Variants in RADX observed in about 807,000 individuals in gnomAD.
RADX encodes RPA1 related single stranded DNA binding protein, X-linked, also known as RPA-related protein RADX.
In RADX, 36 loss-of-function variants were observed where a neutral mutation model predicts 61.6. That is an observed-to-expected ratio of 0.58 (90% CI 0.45 to 0.77). The LOEUF (loss-of-function observed/expected upper bound fraction) is 0.77, where lower values mean the gene tolerates loss of function less well. Ranked by LOEUF, RADX falls within the 30% of genes least tolerant of loss-of-function variation. The probability of loss-of-function intolerance (pLI) is 0.00; values close to 1 mark genes in which losing one functional copy is unlikely to be tolerated. For synonymous variants in RADX, 272 were observed against 237.9 expected, an observed-to-expected ratio of 1.14 and a Z score of -1.32; for missense variants, 497 against 651.1, an observed-to-expected ratio of 0.76 and a Z score of 2.58.
At chrX:106,675,919 G>A (rs1928498119) in intron 13 of RADX, among the ~76,000 whole-genome samples, 1 of 111,278 alleles carries the variant, frequency 9.0e-6, no homozygotes, top group African/African-American at 3.3e-5. Context: ...TGCTTTATGT[G>A]TATTCAATCC....
intron 3 of RADX, among the ~76,000 whole-genome samples, chrX:106,629,172 A>G (rs944032912): frequency 8.9e-5 from 10 of 111,856 alleles, no homozygotes; most frequent in African/African-American, 3.2e-4. Flanking sequence ...GATGATAGCA[A>G]CAAGAATTTT....
intron 10 of RADX, 53 bp downstream of exon 10, chrX:106,640,774 C>A: frequency 1.2e-6 from 1 of 848,623 alleles, no homozygotes; most frequent in Non-Finnish European, 1.6e-6. Flanking sequence ...TTTGGGTTAT[C>A]TCTACCCTGT....
chrX:106,670,734 A>G (rs1394867403), intron 13 of RADX, among the ~76,000 whole-genome samples: 1 of 110,467 alleles, frequency 9.1e-6, no homozygotes, highest in Non-Finnish European at 1.9e-5. Flanking sequence ...TCCTAATAAG[A>G]ATCTCACAAA....
At chrX:106,632,083 T>C (rs952263625) in intron 3 of RADX, among the ~76,000 whole-genome samples, 3 of 111,787 alleles carry the variant, frequency 2.7e-5, no homozygotes, top group Non-Finnish European at 3.8e-5. Context: ...GGGAGACACA[T>C]ACAAAAATTT....
At chrX:106,630,141 A>G (rs1927177838) in intron 3 of RADX, among the ~76,000 whole-genome samples, 1 of 111,048 alleles carries the variant, frequency 9.0e-6, no homozygotes, top group Non-Finnish European at 1.9e-5. Flanking sequence ...TGTGCAACAT[A>G]GTAAGACCCT....
intron 8 of RADX, chrX:106,638,424 G>A (rs1334395153): frequency 1.8e-5 from 2 of 110,596 alleles, no homozygotes; most frequent in Admixed American, 1.9e-4. Context: ...CACTACGCCC[G>A]GCTAATTTTT....
intron 13 of RADX, among the ~76,000 whole-genome samples, chrX:106,675,091 G>A (rs1339984750): frequency 5.4e-5 from 6 of 110,938 alleles, no homozygotes; most frequent in Non-Finnish European, 1.1e-4. Context: ...TTTATCCCAA[G>A]TCATTTATTG....
chrX:106,646,682 G>A (rs771520500), intron 10 of RADX, among the ~76,000 whole-genome samples: 3 of 110,801 alleles, frequency 2.7e-5, no homozygotes, highest in African/African-American at 9.8e-5. Flanking sequence ...AATGAAAGGG[G>A]ACATAGGATT....
At chrX:106,674,893 G>A (rs1928467881) in intron 13 of RADX, among the ~76,000 whole-genome samples, 1 of 109,943 alleles carries the variant, frequency 9.1e-6, no homozygotes, top group Non-Finnish European at 1.9e-5. Flanking sequence ...ACGTGGTGGT[G>A]CACGCCTGTA....
chrX:106,645,930 C>T (rs2147627732), intron 10 of RADX, among the ~76,000 whole-genome samples: 1 of 110,812 alleles, frequency 9.0e-6, no homozygotes, highest in Admixed American at 9.6e-5. Context: ...TATCTCGATG[C>T]TCCAGTGTTG....
chrX:106,661,386 G>GT (rs1418683592), intron 11 of RADX, among the ~76,000 whole-genome samples: 2 of 92,093 alleles, frequency 2.2e-5, no homozygotes, highest in African/African-American at 9.2e-5. Flanking sequence ...TTTTTTTTTG[G>GT]TTTTTTTGTT....
chrX:106,673,820 G>A (rs1325325711), intron 13 of RADX, among the ~76,000 whole-genome samples: 2 of 110,909 alleles, frequency 1.8e-5, no homozygotes, highest in African/African-American at 3.3e-5. Flanking sequence ...TTAGCTCATG[G>A]TGGTGAGGCT....
At chrX:106,621,448 C>T (rs1423890071) in intron 1 of RADX, among the ~76,000 whole-genome samples, 1 of 111,866 alleles carries the variant, frequency 8.9e-6, no homozygotes, top group Non-Finnish European at 1.9e-5. Context: ...AGATTCAAGT[C>T]TTAATAGTTG....
At chrX:106,635,480 T>C (rs1927337810) in intron 6 of RADX, among the ~76,000 whole-genome samples, 1 of 111,925 alleles carries the variant, frequency 8.9e-6, no homozygotes, top group African/African-American at 3.2e-5. Context: ...GTTTCTTTAA[T>C]ATTCCTGTAT....
At chrX:106,618,244 T>A (rs1431606346) in intron 1 of RADX, among the ~76,000 whole-genome samples, 3 of 111,488 alleles carry the variant, frequency 2.7e-5, no homozygotes, top group Non-Finnish European at 3.8e-5. Flanking sequence ...TCGTTTTTTT[T>A]AATGGATTTG....
chrX:106,616,426 T>C (rs775964570), intron 1 of RADX, among the ~76,000 whole-genome samples: 32 of 111,875 alleles, frequency 2.9e-4, no homozygotes, highest in African/African-American at 1.0e-3. Flanking sequence ...TCTGCTATTA[T>C]CTTTAATTTC....
At chrX:106,653,700 C>T (rs369353456) in intron 11 of RADX, among the ~76,000 whole-genome samples, 18 of 110,083 alleles carry the variant, frequency 1.6e-4, no homozygotes, top group South Asian at 3.9e-4. Flanking sequence ...CCCAACATGC[C>T]GACAGGCCCC....
At chrX:106,626,472 G>T (rs1485364663) in intron 3 of RADX, among the ~76,000 whole-genome samples, 1 of 111,665 alleles carries the variant, frequency 9.0e-6, no homozygotes, top group Non-Finnish European at 1.9e-5. Context: ...GCTATAGAAA[G>T]GTGAGGAACT....
At chrX:106,631,487 G>A (rs138354379) in intron 3 of RADX, among the ~76,000 whole-genome samples, 295 of 109,852 alleles carry the variant, frequency 2.7e-3, no homozygotes, top group African/African-American at 9.4e-3. Context: ...TCTGGAGGAA[G>A]CCTTGAGGCC....
Sources: allele counts gnomAD v4.1 joint callset (sites outside exome capture counted in the v4.1 genomes callset), GRCh38; gene constraint gnomAD v4.1.1; transcripts MANE v1.5; gene names NCBI Gene and HGNC (gene_info 2026-07-23, HGNC 2026-07-21).